Variants in AHSG observed in about 807,000 individuals in gnomAD.
AHSG encodes alpha-2-HS-glycoprotein.
AHSG carries 23 observed loss-of-function variants against 30.1 expected under a neutral mutation model. The ratio of observed to expected loss-of-function variants is 0.76; its 90% CI spans 0.55 to 1.08. The LOEUF (loss-of-function observed/expected upper bound fraction) is 1.08. Ranked by LOEUF, AHSG falls within the 50% of genes least tolerant of loss-of-function variation. AHSG has a pLI of 0.00. For synonymous variants in AHSG, 164 were observed against 186.3 expected (o/e 0.88, Z 0.98); for missense variants, 469 against 459.5 (o/e 1.02, Z -0.19).
chr3:186,613,191 A>G lies in AHSG; in HGVS notation c.50A>G (p.His17Arg), dbSNP rs754467302. The G allele has an allele frequency of 7.4e-6, 12 of 1,614,014 alleles. No individual in the cohort carries two copies. The East Asian group carries it at 2.5e-4, about 33-fold the overall frequency. ...TGTCTTGCTCAGCTCTGGGGCTGCC[A>G]CTCAGCCCCACATGGCCCAGGGCTG... ...LLCLAQLWGC[H>R]SAPHGPGLIY... is the part of the protein sequence containing the mutation. Residue 17 changes from histidine (H) to arginine (R), a missense_variant, in exon 1 of 7, where the codon CAC becomes CGC. His to Arg is a conservative substitution (Grantham distance 29). Transcript: ENST00000411641.
chr3:186,618,585 G>A lies in AHSG; in HGVS notation c.623G>A (p.Cys208Tyr), dbSNP rs1419157476. The A allele has an allele frequency of 1.2e-6, 2 of 1,614,160 alleles. No individual in the cohort carries two copies. Among genetic ancestry groups the A allele is most frequent in the Non-Finnish European group, 1.7e-6 (2 of 1,179,994 alleles). Residue 208 changes from cysteine (C) to tyrosine (Y), a missense_variant, in exon 5 of 7, where the codon TGT (cysteine) becomes TAT (tyrosine). Coordinates refer to ENST00000411641, the MANE Select transcript of AHSG (RefSeq NM_001622.4). Reference protein sequence around the residue: ...YVEFTVSGTDCVAKEATEAAK... With the variant: ...YVEFTVSGTDYVAKEATEAAK... ...GAGTTTACAGTGTCTGGCACTGACT[G>A]TGTTGCTAAAGAGGCCACAGAGGCA...
At chr3:186,616,089 C>T (rs1257391123) in intron 2 of AHSG, among the ~76,000 whole-genome samples, 1 of 152,028 alleles carries the variant, frequency 6.6e-6, no homozygotes, top group African/African-American at 2.4e-5. Flanking sequence ...CCCAGCTCCT[C>T]GGGAGGCTGA....
At chr3:186,615,596 C>T in intron 1 of AHSG, 89 bp from the exon 2 acceptor site, 2 of 1,003,744 alleles carry the variant, frequency 2.0e-6, no homozygotes, top group Non-Finnish European at 3.2e-6. Flanking sequence ...AAGCGGGGTG[C>T]TCTCAAGCCC....
intron 1 of AHSG, 95 bp downstream of exon 1, chr3:186,613,449 C>T (rs555254969): frequency 8.8e-7 from 1 of 1,142,452 alleles, no homozygotes; most frequent in Non-Finnish European, 1.2e-6. Flanking sequence ...CAAATGAAAC[C>T]ACAGAGGAGT....
At position 186,617,249 on chromosome 3, in the gene AHSG, A is replaced by T. The variant is rs1472341131; in HGVS notation, c.472A>T (p.Thr158Ser). 6.2e-7 allele frequency: 1 copy of T among 1,614,148 alleles called. No homozygotes were observed. The highest frequency in any genetic ancestry group is 1.1e-5 in the South Asian group (1 of 91,072). ...DCPLLAPLND[T>S]RVVHAAKAAL... ...CCCCCTGCTGGCCCCGCTGAACGAC[A>T]CCAGGGTGGTGCACGCCGCGAAAGC... Residue 158 changes from threonine to serine, a missense_variant, in exon 4 of 7, where the codon ACC becomes TCC. By Grantham distance (58) the Thr-to-Ser change is moderately conservative. Coordinates refer to ENST00000411641, the MANE Select transcript of AHSG (RefSeq NM_001622.4).
At position 186,615,808 on chromosome 3, in the gene AHSG, C is replaced by T. The variant is rs774892656; in HGVS notation, c.324+13C>T. ...GCTGAAGGAGCATGTGAGTACCCTT[C>T]TTAGGATGACTGTAGGTGGCCCTTC... On this transcript the variant is annotated intron_variant, in intron 2 of 6. Coordinates refer to ENST00000411641, the MANE Select transcript of AHSG (RefSeq NM_001622.4). 6 of 1,608,634 alleles carry T rather than the reference C, an allele frequency of 3.7e-6. No individual in the cohort carries two copies. In the South Asian group the frequency reaches 6.6e-5, roughly 18 times the overall value.
rs1207271558 is a variant in AHSG, at chr3:186,618,433, C to A, written c.574-103C>A. ...GTCTTCTGGGCCGACGCATGGTCTG[C>A]ATGAATGGTGCTCCCCGAAGGAGGC... On this transcript the variant is annotated intron_variant, in intron 4 of 6. Coordinates refer to ENST00000411641, the MANE Select transcript of AHSG (RefSeq NM_001622.4). 7 of 1,540,656 alleles carry A rather than the reference C, an allele frequency of 4.5e-6. No homozygotes were observed. In the Admixed American group the frequency reaches 1.2e-4, roughly 27 times the overall value.
chr3:186,617,475 G>A (rs758256707), intron 4 of AHSG, 125 bp downstream of exon 4: 1 of 1,541,894 alleles, frequency 6.5e-7, no homozygotes, highest in Non-Finnish European at 8.9e-7. Flanking sequence ...GCAAGGAGAG[G>A]GTTGTTTGGA....
Position 186,621,152 on chromosome 3 carries a change from G to T in AHSG, c.*222G>T. The T allele has an allele frequency of 3.7e-6, 2 of 539,850 alleles. No homozygotes were observed. The highest frequency in any genetic ancestry group is 6.6e-6 in the Non-Finnish European group (2 of 303,822). 33.4% of individuals were successfully genotyped at this position (539,850 alleles called of 1,614,324 possible). On this transcript the variant is annotated 3_prime_UTR_variant, in exon 7 of 7. Transcript: ENST00000411641. ...ACAGAAGGCATTAGGTTGACAACTT[G>T]TCATGATTTTGACGGTAAGCCACCA...
rs1246266858 is a variant in AHSG, at chr3:186,613,353, A to G, written c.212A>G (p.Gln71Arg). 6.2e-7 allele frequency: 1 copy of G among 1,610,276 alleles called. No individual in the cohort carries two copies. Among genetic ancestry groups the G allele is most frequent in the Admixed American group, 1.7e-5 (1 of 59,594 alleles). The change falls in exon 1 of 7, where the codon CAG becomes CGG. Residue 71 changes from glutamine to arginine, a missense_variant and splice_region_variant. Physicochemically the swap from Gln to Arg is conservative, Grantham distance 43. Coordinates refer to ENST00000411641, the MANE Select transcript of AHSG (RefSeq NM_001622.4). ...NQIDEVKVWPQQPSGELFEIE... is the reference protein window; with the variant it reads ...NQIDEVKVWPRQPSGELFEIE... Reference sequence around the variant, plus strand: ...ATTGATGAAGTAAAGGTGTGGCCTCAGGTAAGTGGACCTGCTGTCTATGAG... The same window carrying G: ...ATTGATGAAGTAAAGGTGTGGCCTCGGGTAAGTGGACCTGCTGTCTATGAG...
intron 6 of AHSG, 118 bp from the exon 7 acceptor site, chr3:186,620,468 C>T: frequency 3.3e-6 from 3 of 901,300 alleles, no homozygotes; most frequent in Non-Finnish European, 5.2e-6. Context: ...TTGCTAGACT[C>T]TTTGCAAATA....
chr3:186,615,991 T>A (rs1716292140), intron 2 of AHSG, among the ~76,000 whole-genome samples, 196 bp downstream of exon 2: 1 of 151,270 alleles, frequency 6.6e-6, no homozygotes, highest in African/African-American at 2.4e-5. Context: ...AGGTCAGGAG[T>A]TCAAGACCAG....
chr3:186,613,497 C>T lies in AHSG; in HGVS notation c.213+143C>T, dbSNP rs1716207073. The T allele has an allele frequency of 6.2e-6, 5 of 805,272 alleles. No individual in the cohort carries two copies. In the Admixed American group the frequency reaches 8.6e-5, roughly 14 times the overall value. The allele number at this position is 805,272 out of a possible 1,614,324, so 49.9% of individuals were successfully genotyped here. A position where few individuals can be genotyped will look rare whatever the true frequency, so the allele number is the denominator to read the frequency against. The stretch of plus-strand genomic sequence containing the variant: ...TTCTTCCCAGGAGTGAGGGAAGGGG[C>T]AGGCAGAGGGCAGGAGAGGAGACAT... On this transcript the variant is annotated intron_variant, in intron 1 of 6. Coordinates refer to ENST00000411641, the MANE Select transcript of AHSG (RefSeq NM_001622.4).
Position 186,620,878 on chromosome 3 carries a change from C to A in AHSG, c.1052C>A (p.Ala351Asp). The change falls in exon 7 of 7, where the codon GCT becomes GAT. Residue 351 changes from alanine (A) to aspartate (D), a missense_variant. By Grantham distance (126) the Ala-to-Asp change is moderately radical. Transcript: ENST00000411641. ...GTGCAGCCTAGTGTTGGTGCTGCTG[C>A]TGGGCCAGTGGTTCCTCCATGTCCG... The part of the protein sequence containing the change: ...TVVQPSVGAA[A>D]GPVVPPCPGR... 6.2e-7 allele frequency: 1 copy of A among 1,614,146 alleles called. No individual in the cohort carries two copies. Among genetic ancestry groups the A allele is most frequent in the Non-Finnish European group, 8.5e-7 (1 of 1,180,010 alleles).
At chr3:186,613,831 C>T (rs555191934) in intron 1 of AHSG, among the ~76,000 whole-genome samples, 1 of 152,136 alleles carries the variant, frequency 6.6e-6, no homozygotes, top group African/African-American at 2.4e-5. Flanking sequence ...GGTCCTGCCT[C>T]CTGGTGCTGT....
chr3:186,613,400 G>A (rs1321843574), intron 1 of AHSG, 46 bp downstream of exon 1: 3 of 1,508,388 alleles, frequency 2.0e-6, no homozygotes, highest in Non-Finnish European at 2.7e-6. Flanking sequence ...TGTACATGGA[G>A]CTCAATCAGG....
At position 186,618,324 on chromosome 3, in the gene AHSG, A is replaced by G. The variant is rs528139975; in HGVS notation, c.574-212A>G. On this transcript the variant is annotated intron_variant, in intron 4 of 6. Transcript: ENST00000411641. ...ATGGATACTTGCCCCTCCTACAAGG[A>G]AGACACAACCCCTACCTCTAAAGCA... Among the ~76,000 whole-genome samples, 29 of 152,306 alleles carry G rather than the reference A, an allele frequency of 1.9e-4. 1 individual carries two copies. The highest frequency in any genetic ancestry group is 6.7e-4 in the African/African-American group (28 of 41,568).
In AHSG at chr3:186,613,237, C is replaced by T. The variant is rs749060402; in HGVS notation, c.96C>T (p.Cys32=). Residue 32 remains cysteine, a synonymous_variant, in exon 1 of 7, where the codon TGC becomes TGT. Transcript: ENST00000411641. ...GPGLIYRQPN[C]DDPETEEAAL... is the part of the protein sequence containing the mutation. ...GGCTGATTTATAGACAACCGAACTG[C>T]GATGATCCAGAAACTGAGGAAGCAG... is the stretch of plus-strand genomic sequence containing the variant. 47 of 1,614,028 alleles carry T rather than the reference C, an allele frequency of 2.9e-5. No homozygotes were observed. Among genetic ancestry groups the T allele is most frequent in the African/African-American group, 6.7e-5 (5 of 74,908 alleles).
chr3:186,617,440 C>T, intron 4 of AHSG, 90 bp downstream of exon 4: 1 of 1,604,634 alleles, frequency 6.2e-7, no homozygotes, highest in Non-Finnish European at 8.5e-7. Context: ...CAGGGAAGAA[C>T]AGGCGCAGGG....
Sources: gnomAD v4.1 joint callset for allele counts (sites outside exome capture counted in the v4.1 genomes callset) on GRCh38, gnomAD v4.1.1 for gene constraint, MANE v1.5 for transcripts, NCBI Gene and HGNC (gene_info 2026-07-23, HGNC 2026-07-21) for gene names.